Variants in FRY observed in about 807,000 individuals in gnomAD.
The protein encoded by FRY is protein furry homolog.
A neutral mutation model predicts 348.4 loss-of-function variants in FRY; 128 were observed. That is an observed-to-expected ratio of 0.37 (90% CI 0.32 to 0.43). The LOEUF is 0.43. FRY is among the 20% of genes least tolerant of loss of function. FRY has a pLI of 1.00. For missense variants in FRY, 2,736 were observed against 3,695.2 expected (o/e 0.74, Z 6.73); for synonymous variants, 1,370 against 1,374.7 (o/e 1.00, Z 0.08).
chr13:32,166,724 C>T (rs1421965005), intron 17 of FRY, among the ~76,000 whole-genome samples: 22 of 152,094 alleles, frequency 1.4e-4, no homozygotes, highest in African/African-American at 2.4e-5. Context: ...GTCCTCTTCA[C>T]AGCTTCTTCC....
chr13:32,131,738 A>G lies in FRY; in HGVS notation c.783A>G (p.Pro261=), dbSNP rs749851381. 3.7e-6 allele frequency: 6 copies of G among 1,612,948 alleles called. No homozygotes were observed. Among genetic ancestry groups the G allele is most frequent in the Non-Finnish European group, 5.1e-6 (6 of 1,179,004 alleles). Reference sequence around the variant, plus strand: ...AATTACGGCACAAAGAGCAGAACCCATATGTGGTTCAAAGCATTATCAGCT... The same window carrying G: ...AATTACGGCACAAAGAGCAGAACCCGTATGTGGTTCAAAGCATTATCAGCT... The part of the protein sequence containing the change: ...LKELRHKEQN[P]YVVQSIISLI... The change falls in exon 8 of 61, where the codon CCA becomes CCG. Residue 261 remains proline, a synonymous_variant. Transcript: ENST00000542859.
Position 32,184,406 on chromosome 13 carries a change from TG to T in FRY, c.3055-193del, listed in dbSNP as rs200237073. 5.4e-3 allele frequency among the ~76,000 whole-genome samples: 816 copies of T among 152,264 alleles called. 5 individuals carry two copies. The highest frequency in any genetic ancestry group is 8.6e-3 in the Non-Finnish European group (583 of 68,016). On this transcript the variant is annotated intron_variant, in intron 24 of 60. Coordinates refer to ENST00000542859, the MANE Select transcript of FRY (RefSeq NM_023037.3). The stretch of plus-strand genomic sequence containing the variant: ...CTAATATTTACTGACCCACTTATGA[TG>T]TTTTTTTTTCTTACAGCCTGTAGAT...
rs370196394 is a variant in FRY at position 32,218,745 on chromosome 13, G to C, written c.4683-4G>C. 1.3e-5 allele frequency: 19 copies of C among 1,492,066 alleles called. No individual in the cohort carries two copies. The highest frequency in any genetic ancestry group is 1.6e-5 in the Non-Finnish European group (17 of 1,073,960). The allele number at this position is 1,492,066 out of a possible 1,614,324, so 92.4% of individuals were successfully genotyped here. A position where few individuals can be genotyped will look rare whatever the true frequency, so the allele number is the denominator to read the frequency against. ...TTTCATTCTGGTTGTTCTTGTATTTGAAGGTTTAGTAATGTCATCAGAGCC... is the reference window on the plus strand; with the variant it reads ...TTTCATTCTGGTTGTTCTTGTATTTCAAGGTTTAGTAATGTCATCAGAGCC... On this transcript the variant is annotated splice_region_variant and splice_polypyrimidine_tract_variant and intron_variant, in intron 35 of 60. Coordinates refer to ENST00000542859, the MANE Select transcript of FRY (RefSeq NM_023037.3).
intron 48 of FRY, 135 bp from the exon 49 acceptor site, chr13:32,249,391 G>T (rs1886961483): frequency 1.2e-6 from 1 of 861,830 alleles, no homozygotes; most frequent in Admixed American, 2.0e-5. Flanking sequence ...GAGAAAATGA[G>T]CCCACTTGTA....
At chr13:32,054,701 G>A (rs1383738820) in intron 1 of FRY, among the ~76,000 whole-genome samples, 1 of 151,946 alleles carries the variant, frequency 6.6e-6, no homozygotes, top group African/African-American at 2.4e-5. Flanking sequence ...GTGAGACCCC[G>A]TCTCTACTAA....
At chr13:32,172,156 A>T (rs1449945815) in intron 18 of FRY, among the ~76,000 whole-genome samples, 1 of 151,572 alleles carries the variant, frequency 6.6e-6, no homozygotes, top group African/African-American at 2.4e-5. Context: ...GTGGATGTGG[A>T]TATTGATGTG....
At chr13:32,163,811 T>A (rs1224218854) in intron 17 of FRY, among the ~76,000 whole-genome samples, 1 of 152,232 alleles carries the variant, frequency 6.6e-6, no homozygotes, top group African/African-American at 2.4e-5. Context: ...ATGCTAGTGC[T>A]ATTTATAGTG....
At chr13:32,180,946 A>G (rs2762029) in intron 23 of FRY, among the ~76,000 whole-genome samples, 54,888 of 151,944 alleles carry the variant, frequency 0.36, 10,212 homozygotes, top group Admixed American at 0.41. Context: ...GCTGGAGTTC[A>G]GTGGCGTGAT....
At chr13:32,256,270 A>G (rs1233539877) in intron 51 of FRY, among the ~76,000 whole-genome samples, 1 of 152,146 alleles carries the variant, frequency 6.6e-6, no homozygotes, top group African/African-American at 2.4e-5. Flanking sequence ...ACAGTGGCTC[A>G]CACCTGTAAT....
intron 1 of FRY, among the ~76,000 whole-genome samples, chr13:32,036,815 T>C (rs1395745537): frequency 6.6e-6 from 1 of 151,824 alleles, no homozygotes; most frequent in Non-Finnish European, 1.5e-5. Context: ...GTAAGCTCCA[T>C]AAACCCCTCC....
chr13:32,228,594 T>G lies in FRY; in HGVS notation c.5345T>G (p.Val1782Gly), dbSNP rs1011997540. 6.2e-7 allele frequency: 1 copy of G among 1,614,006 alleles called. No individual in the cohort carries two copies. Among genetic ancestry groups the G allele is most frequent in the African/African-American group, 1.3e-5 (1 of 74,910 alleles). ...CAGATGACCCAGGAGGTAGAAGATG[T>G]GGACACAGCTGCTGAAACAGATGAG... is the stretch of plus-strand genomic sequence containing the variant. ...LPQMTQEVEDVDTAAETDEKA... is the reference protein window; with the variant it reads ...LPQMTQEVEDGDTAAETDEKA... The change falls in exon 40 of 61, where the codon GTG (valine) becomes GGG (glycine). Residue 1782 changes from valine to glycine, a missense_variant. Val to Gly is a moderately radical substitution (Grantham distance 109). Around this residue, in one of 9 missense-constraint regions of FRY, gnomAD observed 794 missense variants for 977.0 expected, o/e 0.81. Coordinates refer to ENST00000542859, the MANE Select transcript of FRY (RefSeq NM_023037.3).
intron 1 of FRY, among the ~76,000 whole-genome samples, chr13:32,069,976 T>C (rs1350251669): frequency 1.3e-5 from 2 of 151,866 alleles, no homozygotes; most frequent in Non-Finnish European, 2.9e-5. Flanking sequence ...TGGTTTTCTG[T>C]CCTTGTGATA....
chr13:32,050,802 A>G (rs1008470815), intron 1 of FRY, among the ~76,000 whole-genome samples: 3 of 152,244 alleles, frequency 2.0e-5, no homozygotes, highest in Admixed American at 2.0e-4. Context: ...TCATCACATA[A>G]GAAAGTAAGA....
intron 48 of FRY, 60 bp from the exon 49 acceptor site, chr13:32,249,465 AG>A: frequency 6.3e-7 from 1 of 1,579,268 alleles, no homozygotes; most frequent in East Asian, 2.2e-5. Context: ...TCTGGGGAGA[AG>A]GGTTTCATAT....
At chr13:32,070,678 G>C (rs1407361623) in intron 1 of FRY, among the ~76,000 whole-genome samples, 1 of 151,824 alleles carries the variant, frequency 6.6e-6, no homozygotes, top group Non-Finnish European at 1.5e-5. Context: ...TGTTTACTCT[G>C]ATAGTTTCTT....
intron 59 of FRY, among the ~76,000 whole-genome samples, chr13:32,290,631 T>C (rs893193604): frequency 6.6e-6 from 1 of 151,978 alleles, no homozygotes; most frequent in African/African-American, 2.4e-5. Flanking sequence ...GTATTTCAGG[T>C]AGATCTCTCT....
chr13:32,149,137 T>C (rs958660722), intron 13 of FRY, among the ~76,000 whole-genome samples: 1 of 148,550 alleles, frequency 6.7e-6, no homozygotes, highest in African/African-American at 2.4e-5. Flanking sequence ...CTGTTATATA[T>C]TCCTGATATA....
intron 36 of FRY, among the ~76,000 whole-genome samples, chr13:32,220,542 G>A (rs1173206123): frequency 6.6e-6 from 1 of 152,222 alleles, no homozygotes; most frequent in Admixed American, 6.5e-5. Flanking sequence ...GAAGGCACCA[G>A]ATTTTAGAGA....
chr13:32,211,003 G>A lies in FRY; in HGVS notation c.4560G>A (p.Thr1520=), dbSNP rs766519193. 12 of 1,613,846 alleles carry A rather than the reference G, an allele frequency of 7.4e-6. No individual in the cohort carries two copies. The highest frequency in any genetic ancestry group is 1.6e-4 in the Middle Eastern group (1 of 6,078). The change falls in exon 34 of 61, where the codon ACG becomes ACA. Residue 1520 remains threonine (T), a synonymous_variant. Coordinates refer to ENST00000542859, the MANE Select transcript of FRY (RefSeq NM_023037.3). ...HCDNPPFYRF[T]ASSKASAAAS... ...ACAACCCGCCCTTCTACCGCTTCAC[G>A]GCCAGTAGCAAGGCTTCCGCAGCAG...
Sources: gnomAD v4.1 joint callset for allele counts (sites outside exome capture counted in the v4.1 genomes callset) on GRCh38, gnomAD v4.1.1 for gene constraint, gnomAD v4.1.1 regional missense constraint, MANE v1.5 for transcripts, NCBI Gene and HGNC (gene_info 2026-07-23, HGNC 2026-07-21) for gene names.